GSTO2: variants seen among roughly 807,000 people sequenced by gnomAD.
The protein encoded by GSTO2 is glutathione S-transferase omega-2.
Under a neutral mutation model 28.4 loss-of-function variants are expected in GSTO2, and 23 were observed. That is an observed-to-expected ratio of 0.81 (90% CI 0.58 to 1.15). The LOEUF (loss-of-function observed/expected upper bound fraction) is 1.15. Among genes scored for constraint, GSTO2 ranks in the 50% most tolerant of loss-of-function variants. The probability of loss-of-function intolerance (pLI) is 0.00; values close to 1 mark genes in which losing one functional copy is unlikely to be tolerated. For synonymous variants in GSTO2, 109 were observed against 111.0 expected, an observed-to-expected ratio of 0.98 and a Z score of 0.11; for missense variants, 298 against 297.8, an observed-to-expected ratio of 1.00 and a Z score of 0.00.
At position 104,278,361 on chromosome 10, in the gene GSTO2, C is replaced by T. The variant is rs149831517; in HGVS notation, c.366+245C>T. Among the ~76,000 whole-genome samples the T allele has an allele frequency of 5.9e-5, 9 of 152,282 alleles. No individual in the cohort carries two copies. The East Asian group carries it at 1.2e-3, about 20-fold the overall frequency. ...GGTATGGTTATGACATGGCAATGAC[C>T]GTGTAACTTGAAGCAGGAATACTGA... On this transcript the variant is annotated intron_variant, in intron 4 of 6. Coordinates refer to ENST00000338595, the MANE Select transcript of GSTO2 (RefSeq NM_183239.2).
At chr10:104,270,260 G>A (rs980013275) in intron 1 of GSTO2, among the ~76,000 whole-genome samples, 1 of 152,146 alleles carries the variant, frequency 6.6e-6, no homozygotes, top group Non-Finnish European at 1.5e-5. Context: ...TGATCCGCCC[G>A]CCTCAGCCTC....
chr10:104,271,482 G>A (rs1332762107), intron 1 of GSTO2, among the ~76,000 whole-genome samples: 1 of 152,194 alleles, frequency 6.6e-6, no homozygotes, highest in African/African-American at 2.4e-5. Context: ...CATAAAGTAG[G>A]TATTATTGGT....
Position 104,302,738 on chromosome 10 carries a change from TAGTG to T in GSTO2, c.*3462_*3465del, listed in dbSNP as rs1280566291. On this transcript the variant is annotated 3_prime_UTR_variant, in exon 7 of 7. Transcript: ENST00000338595. Reference sequence around the variant, plus strand: ...CATTCTCTTGGTGCTGTTCTCATGATAGTGAGTGAGTTCTCATGAGTTCTGGTTG... The same window carrying T: ...CATTCTCTTGGTGCTGTTCTCATGATAGTGAGTTCTCATGAGTTCTGGTTG... The T allele has an allele frequency of 6.6e-6, 1 of 152,164 alleles. No homozygotes were observed. Among genetic ancestry groups the T allele is most frequent in the Non-Finnish European group, 1.5e-5 (1 of 68,026 alleles). 9.4% of individuals were successfully genotyped at this position (152,164 alleles called of 1,614,324 possible).
chr10:104,291,714 T>A (rs2012778738), intron 5 of GSTO2: 1 of 152,232 alleles, frequency 6.6e-6, no homozygotes, highest in African/African-American at 2.4e-5. Context: ...TTGGGAACAG[T>A]GCATCCCCAT....
At chr10:104,275,094 C>A in intron 2 of GSTO2, 132 bp from the exon 3 acceptor site, 1 of 1,516,478 alleles carries the variant, frequency 6.6e-7, no homozygotes, top group Non-Finnish European at 8.8e-7. Flanking sequence ...CCACATGCAG[C>A]ACTGCCCTCT....
intron 5 of GSTO2, among the ~76,000 whole-genome samples, chr10:104,287,461 T>A (rs2012501625): frequency 6.6e-6 from 1 of 152,202 alleles, no homozygotes; most frequent in Non-Finnish European, 1.5e-5. Flanking sequence ...ATTCATTAGA[T>A]GGTGAGTGGT....
rs1275781901 is a variant in GSTO2 at position 104,302,607 on chromosome 10, G to C, written c.*3323G>C. 6.6e-6 allele frequency: 1 copy of C among 152,220 alleles called. No homozygotes were observed. The highest frequency in any genetic ancestry group is 1.5e-5 in the Non-Finnish European group (1 of 68,032). 9.4% of individuals were successfully genotyped at this position (152,220 alleles called of 1,614,324 possible). A position where few individuals can be genotyped will look rare whatever the true frequency, so the allele number is the denominator to read the frequency against. On this transcript the variant is annotated 3_prime_UTR_variant, in exon 7 of 7. Coordinates refer to ENST00000338595, the MANE Select transcript of GSTO2 (RefSeq NM_183239.2). ...TTTTAGATCTAAAATTCTGTGATAT[G>C]GTTTGGATCTGAGACCCCACCAAAT... is the stretch of plus-strand genomic sequence containing the variant.
At chr10:104,276,328 T>C (rs1017500986) in intron 3 of GSTO2, among the ~76,000 whole-genome samples, 1 of 152,206 alleles carries the variant, frequency 6.6e-6, no homozygotes, top group African/African-American at 2.4e-5. Context: ...TAACAACAAC[T>C]GGATGTTTTG....
At chr10:104,299,104 T>G (rs757016805) in intron 6 of GSTO2, 24 bp from the exon 7 acceptor site, 1 of 1,608,564 alleles carries the variant, frequency 6.2e-7, no homozygotes. Context: ...TGCACTGTGC[T>G]GACGCTTCTT....
At chr10:104,295,401 G>A (rs114334632) in intron 5 of GSTO2, 1 of 152,260 alleles carries the variant, frequency 6.6e-6, no homozygotes, top group African/African-American at 2.4e-5. Flanking sequence ...GTAGGCTTTA[G>A]GGCAACCCCT....
Position 104,303,722 on chromosome 10 carries a change from G to A in GSTO2, c.*4438G>A, listed in dbSNP as rs913646204. 111 of 152,194 alleles carry A rather than the reference G, an allele frequency of 7.3e-4. 1 individual carries two copies. The highest frequency in any genetic ancestry group is 7.3e-3 in the Admixed American group (111 of 15,268). The allele number at this position is 152,194 out of a possible 1,614,324, so 9.4% of individuals were successfully genotyped here. ...CTAATGGCCAAGAAAATGGGGAAAA[G>A]GCCTTGAAGGCATTTCAGAGACCTT... On this transcript the variant is annotated 3_prime_UTR_variant, in exon 7 of 7. Coordinates refer to ENST00000338595, the MANE Select transcript of GSTO2 (RefSeq NM_183239.2).
At chr10:104,292,377 C>T (rs1037464134) in intron 5 of GSTO2, among the ~76,000 whole-genome samples, 4 of 151,828 alleles carry the variant, frequency 2.6e-5, no homozygotes, top group Admixed American at 6.6e-5. Flanking sequence ...AGGCTGGTCT[C>T]GAACTCCTGG....
intron 5 of GSTO2, among the ~76,000 whole-genome samples, chr10:104,289,700 G>A (rs1409973886): frequency 6.6e-6 from 1 of 152,110 alleles, no homozygotes; most frequent in African/African-American, 2.4e-5. Flanking sequence ...ATTTTAGCAG[G>A]GATCTGAGAT....
At chr10:104,275,197 C>A (rs1445561102) in intron 2 of GSTO2, 29 bp from the exon 3 acceptor site, 1 of 1,594,256 alleles carries the variant, frequency 6.3e-7, no homozygotes, top group Non-Finnish European at 8.5e-7. Flanking sequence ...CCTCTCCTTT[C>A]CCTGTCCCCC....
rs879138026 is a variant in GSTO2 at position 104,275,295 on chromosome 10, C to G, written c.104C>G (p.Ser35Cys). The change falls in exon 3 of 7, where the codon TCT becomes TGT. Residue 35 changes from serine to cysteine, a missense_variant. By Grantham distance (112) the Ser-to-Cys change is moderately radical. Transcript: ENST00000338595. Reference sequence around the variant, plus strand: ...TACAGCATGAGGTTCTGCCCCTATTCTCACAGGACCCGCCTCGTCCTCAAG... The same window carrying G: ...TACAGCATGAGGTTCTGCCCCTATTGTCACAGGACCCGCCTCGTCCTCAAG... ...RIYSMRFCPYSHRTRLVLKAK... is the reference protein window; with the variant it reads ...RIYSMRFCPYCHRTRLVLKAK... The G allele has an allele frequency of 1.2e-6, 2 of 1,613,968 alleles. No homozygotes were observed. The highest frequency in any genetic ancestry group is 2.7e-5 in the African/African-American group (2 of 74,894).
chr10:104,281,932 C>T (rs1395051912), intron 5 of GSTO2, among the ~76,000 whole-genome samples: 3 of 151,950 alleles, frequency 2.0e-5, no homozygotes, highest in Non-Finnish European at 2.9e-5. Flanking sequence ...CTGGTGTGTT[C>T]GGCAAACAAT....
chr10:104,290,332 C>A (rs963190645), intron 5 of GSTO2, among the ~76,000 whole-genome samples: 1 of 151,908 alleles, frequency 6.6e-6, no homozygotes, highest in African/African-American at 2.4e-5. Flanking sequence ...ATGGTGAAAC[C>A]CTGTCTCTAC....
chr10:104,299,324 C>G lies in GSTO2; in HGVS notation c.*40C>G, dbSNP rs1564854862. The G allele has an allele frequency of 5.0e-6, 8 of 1,610,196 alleles. No individual in the cohort carries two copies. Among genetic ancestry groups the G allele is most frequent in the Non-Finnish European group, 6.8e-6 (8 of 1,177,722 alleles). On this transcript the variant is annotated 3_prime_UTR_variant, in exon 7 of 7. Coordinates refer to ENST00000338595, the MANE Select transcript of GSTO2 (RefSeq NM_183239.2). Reference sequence around the variant, plus strand: ...CCCTTCGCTGTCCAGAATTCCCCAGCTTGTTGGGAGTCTACGTCACGGCTT... The same window carrying G: ...CCCTTCGCTGTCCAGAATTCCCCAGGTTGTTGGGAGTCTACGTCACGGCTT...
rs1404325296 is a variant in GSTO2, at chr10:104,274,785, T to C, written c.-131T>C. ...TTCCCCGTGCCCCGCCAGAGCCCAG[T>C]AGTTCAAAAATTAAATTTGGGGCAA... is the stretch of plus-strand genomic sequence containing the variant. On this transcript the variant is annotated 5_prime_UTR_variant, in exon 2 of 7. Coordinates refer to ENST00000338595, the MANE Select transcript of GSTO2 (RefSeq NM_183239.2). The C allele has an allele frequency of 1.5e-5, 17 of 1,103,346 alleles. No homozygotes were observed. In the East Asian group the frequency reaches 4.2e-4, roughly 27 times the overall value. The allele number at this position is 1,103,346 out of a possible 1,614,324, so 68.3% of individuals were successfully genotyped here. A position where few individuals can be genotyped will look rare whatever the true frequency, so the allele number is the denominator to read the frequency against.
Sources: allele counts gnomAD v4.1 joint callset (sites outside exome capture counted in the v4.1 genomes callset), GRCh38; gene constraint gnomAD v4.1.1; transcripts MANE v1.5; gene names NCBI Gene and HGNC (gene_info 2026-07-23, HGNC 2026-07-21).